The following FURIN variants were observed in gnomAD, a reference collection of about 807,000 sequenced individuals.
FURIN encodes FES upstream region.
Under a neutral mutation model 89.2 loss-of-function variants are expected in FURIN, and 18 were observed. The ratio of observed to expected loss-of-function variants is 0.20; its 90% CI spans 0.14 to 0.30. The LOEUF is 0.30. Ranked by LOEUF, FURIN falls within the 10% of genes least tolerant of loss-of-function variation. The pLI, the probability that FURIN is intolerant of heterozygous loss-of-function variation, is 1.00. For missense variants in FURIN, 879 were observed against 1,100.5 expected (o/e 0.80, Z 2.85); for synonymous variants, 508 against 466.4 (o/e 1.09, Z -1.15).
chr15:90,881,852 T>C lies in FURIN; in HGVS notation c.2359T>C (p.Phe787Leu), dbSNP rs1274214559. 6.2e-7 allele frequency: 1 copy of C among 1,612,704 alleles called. No individual in the cohort carries two copies. Among genetic ancestry groups the C allele is most frequent in the East Asian group, 2.2e-5 (1 of 44,878 alleles). Residue 787 changes from phenylalanine to leucine, a missense_variant, in exon 16 of 16, where the codon TTT becomes CTT. This residue lies in a region of FURIN where 457 missense variants were observed against 490.7 expected (regional missense o/e 0.93). Coordinates refer to ENST00000268171, the MANE Select transcript of FURIN (RefSeq NM_002569.4). The surrounding 1 kb of genome is among the most constrained non-coding windows in gnomAD (Gnocchi z 4.3). ...EDEGRGERTA[F>L]IKDQSAL ...CGAGGGCCGGGGCGAGAGGACCGCC[T>C]TTATCAAAGACCAGAGCGCCCTCTG...
At chr15:90,880,053 C>T (rs775921600) in intron 12 of FURIN, 41 bp from the exon 13 acceptor site, 26 of 1,604,146 alleles carry the variant, frequency 1.6e-5, no homozygotes, top group Non-Finnish European at 2.1e-5. Context: ...CCCGCTGGTC[C>T]CTCTGGGCCA....
Position 90,880,037 on chromosome 15 carries a change from G to C in FURIN, c.1376+53G>C, listed in dbSNP as rs559437952. 241 of 1,604,362 alleles carry C rather than the reference G, an allele frequency of 1.5e-4. 2 individuals carry two copies. In the East Asian group the frequency reaches 4.6e-3, roughly 30 times the overall value. On this transcript the variant is annotated intron_variant, in intron 12 of 15. Transcript: ENST00000268171. ...GGCCAGTGGGACCTGAGAGTCGCAG[G>C]GGGTGCCCGCTGGTCCCTCTGGGCC...
Position 90,881,754 on chromosome 15 carries a change from G to A in FURIN, c.2261G>A (p.Arg754His), listed in dbSNP as rs201572995. Residue 754 changes from arginine (R) to histidine (H), a missense_variant, in exon 16 of 16, where the codon CGT becomes CAT. Transcript: ENST00000268171. This position sits in a 1 kb window ranked among gnomAD's most constrained non-coding sequence, Gnocchi z 4.3. ...GGGGTGAAGGTGTACACCATGGACCGTGGCCTCATCTCCTACAAGGGGCTG... is the reference window on the plus strand; with the variant it reads ...GGGGTGAAGGTGTACACCATGGACCATGGCCTCATCTCCTACAAGGGGCTG... The part of the protein sequence containing the change: ...FRGVKVYTMD[R>H]GLISYKGLPP... 10 of 1,611,142 alleles carry A rather than the reference G, an allele frequency of 6.2e-6. No homozygotes were observed. The highest frequency in any genetic ancestry group is 1.1e-5 in the South Asian group (1 of 90,740).
In FURIN at chr15:90,877,064, G is replaced by T. The variant is rs374968792; in HGVS notation, c.501+40G>T. ...GAGGGAGGCCGTGATCCCTGCTGAG[G>T]TGTGTCTAGAGGCTGTCTTGTTCTA... On this transcript the variant is annotated intron_variant, in intron 5 of 15. Transcript: ENST00000268171. The T allele has an allele frequency of 2.0e-4, 327 of 1,613,466 alleles. 1 individual carries two copies. The highest frequency in any genetic ancestry group is 2.6e-4 in the Non-Finnish European group (306 of 1,179,670).
In FURIN at chr15:90,876,644, G is replaced by C. The variant is rs375475514; in HGVS notation, c.372+87G>C. 2 of 932,742 alleles carry C rather than the reference G, an allele frequency of 2.1e-6. No individual in the cohort carries two copies. The highest frequency in any genetic ancestry group is 3.5e-6 in the Non-Finnish European group (2 of 575,816). The allele number at this position is 932,742 out of a possible 1,614,324, so 57.8% of individuals were successfully genotyped here. On this transcript the variant is annotated intron_variant, in intron 4 of 15. Transcript: ENST00000268171. This position sits in a 1 kb window ranked among gnomAD's most constrained non-coding sequence, Gnocchi z 5.0. ...CTCTTGGATGGAGGAGGCTGTCTTC[G>C]AGGCCTCCTCTGATTCGTTTCCTTT... is the stretch of plus-strand genomic sequence containing the variant.
chr15:90,881,207 C>T lies in FURIN; in HGVS notation c.1793-79C>T. On this transcript the variant is annotated intron_variant, in intron 15 of 15. Coordinates refer to ENST00000268171, the MANE Select transcript of FURIN (RefSeq NM_002569.4). The surrounding 1 kb of genome is among the most constrained non-coding windows in gnomAD (Gnocchi z 4.3). Reference sequence around the variant, plus strand: ...CTGGAGGATCCTGGGGATGTGGTGACTTGGCTTGGGGCTGCTGTGGTCCTG... The same window carrying T: ...CTGGAGGATCCTGGGGATGTGGTGATTTGGCTTGGGGCTGCTGTGGTCCTG... 7.9e-7 allele frequency: 1 copy of T among 1,259,580 alleles called. No homozygotes were observed. The highest frequency in any genetic ancestry group is 1.5e-5 in the African/African-American group (1 of 67,250). The allele number at this position is 1,259,580 out of a possible 1,614,324, so 78.0% of individuals were successfully genotyped here. A position where few individuals can be genotyped will look rare whatever the true frequency, so the allele number is the denominator to read the frequency against.
chr15:90,876,248 A>G lies in FURIN; in HGVS notation c.178-7A>G. ...AAGCCCAGCTCAGTCTCCCTGCTCTATTGCAGATCTTCGGGGACTATTACC... is the reference window on the plus strand; with the variant it reads ...AAGCCCAGCTCAGTCTCCCTGCTCTGTTGCAGATCTTCGGGGACTATTACC... On this transcript the variant is annotated splice_region_variant and splice_polypyrimidine_tract_variant and intron_variant, in intron 2 of 15. Coordinates refer to ENST00000268171, the MANE Select transcript of FURIN (RefSeq NM_002569.4). This position sits in a 1 kb window ranked among gnomAD's most constrained non-coding sequence, Gnocchi z 5.0. 1 of 1,579,020 alleles carries G rather than the reference A, an allele frequency of 6.3e-7. No individual in the cohort carries two copies. The highest frequency in any genetic ancestry group is 8.7e-7 in the Non-Finnish European group (1 of 1,148,454).
Position 90,880,256 on chromosome 15 carries a change from C to G in FURIN, c.1539C>G (p.Ser513=), listed in dbSNP as rs773423236. 6.2e-7 allele frequency: 1 copy of G among 1,606,522 alleles called. No homozygotes were observed. The highest frequency in any genetic ancestry group is 8.5e-7 in the Non-Finnish European group (1 of 1,175,970). The part of the protein sequence containing the change: ...IHLVSPMGTR[S]TLLAARPHDY... ...TGGTCAGCCCCATGGGCACCCGCTC[C>G]ACCCTGCTGGCAGCCAGGTGCTTGC... The change falls in exon 13 of 16, where the codon TCC becomes TCG. Residue 513 remains serine (S), a synonymous_variant. Transcript: ENST00000268171.
chr15:90,881,453 C>A lies in FURIN; in HGVS notation c.1960C>A (p.Pro654Thr). ...CHASCATCQG[P>T]ALTDCLSCPS... ...CGCCTCATGTGCCACATGCCAGGGG[C>A]CGGCCCTGACAGACTGCCTCAGCTG... Residue 654 changes from proline to threonine, a missense_variant, in exon 16 of 16, where the codon CCG becomes ACG. Physicochemically the swap from Pro to Thr is conservative, Grantham distance 38. This residue lies in a region of FURIN where 457 missense variants were observed against 490.7 expected (regional missense o/e 0.93). Transcript: ENST00000268171. The surrounding 1 kb of genome is among the most constrained non-coding windows in gnomAD (Gnocchi z 4.3). 1.2e-6 allele frequency: 2 copies of A among 1,612,320 alleles called. No individual in the cohort carries two copies. Among genetic ancestry groups the A allele is most frequent in the Non-Finnish European group, 1.7e-6 (2 of 1,179,832 alleles).
intron 1 of FURIN, among the ~76,000 whole-genome samples, chr15:90,872,174 C>G (rs1339983937): frequency 6.6e-6 from 1 of 151,574 alleles, no homozygotes; most frequent in African/African-American, 2.4e-5. Flanking sequence ...GCCCGCACAC[C>G]TGTGCGGCCA....
Position 90,876,016 on chromosome 15 carries a change from G to C in FURIN, c.177+99G>C. 1 of 1,090,244 alleles carries C rather than the reference G, an allele frequency of 9.2e-7. No individual in the cohort carries two copies. The highest frequency in any genetic ancestry group is 1.3e-6 in the Non-Finnish European group (1 of 769,236). The allele number at this position is 1,090,244 out of a possible 1,614,324, so 67.5% of individuals were successfully genotyped here. A position where few individuals can be genotyped will look rare whatever the true frequency, so the allele number is the denominator to read the frequency against. ...TGGCCTTGTTTGCTCAGGGGCATCT[G>C]GGTAGCCGGCATGTTCTGGGTGGCC... is the stretch of plus-strand genomic sequence containing the variant. On this transcript the variant is annotated intron_variant, in intron 2 of 15. Transcript: ENST00000268171. The surrounding 1 kb of genome is among the most constrained non-coding windows in gnomAD (Gnocchi z 5.0).
chr15:90,872,788 C>T (rs1002976851), intron 1 of FURIN: 5 of 152,192 alleles, frequency 3.3e-5, no homozygotes, highest in African/African-American at 1.2e-4. Flanking sequence ...CGTGGTGTCT[C>T]TGCTAGAGGG....
In FURIN at chr15:90,881,156, C is replaced by CA; in HGVS notation, c.1792+116_1792+117insA. ...CTCAAGAGACCTAGGGCCCCTGGGG[C>CA]TCTTGGGATGACCACAGTCCTGGGG... On this transcript the variant is annotated intron_variant, in intron 15 of 15. Transcript: ENST00000268171. The surrounding 1 kb of genome is among the most constrained non-coding windows in gnomAD (Gnocchi z 4.3). The CA allele has an allele frequency of 9.2e-7, 1 of 1,091,204 alleles. No homozygotes were observed. The highest frequency in any genetic ancestry group is 1.4e-6 in the Non-Finnish European group (1 of 733,936). The allele number at this position is 1,091,204 out of a possible 1,614,324, so 67.6% of individuals were successfully genotyped here. A position where few individuals can be genotyped will look rare whatever the true frequency, so the allele number is the denominator to read the frequency against.
At chr15:90,878,353 TC>T in intron 8 of FURIN, 49 bp downstream of exon 8, 1 of 1,412,810 alleles carries the variant, frequency 7.1e-7, no homozygotes, top group Non-Finnish European at 9.6e-7. Flanking sequence ...GGTGCTGTCT[TC>T]CGTACCTATC....
rs2151223437 is a variant in FURIN, at chr15:90,876,497, G to A, written c.312G>A (p.Arg104=). The part of the protein sequence containing the change: ...QWLEQQVAKR[R]TKRDVYQEPT... ...TGGAACAGCAGGTGGCAAAGCGACG[G>A]ACTAAACGGGACGTGTACCAGGAGC... The change falls in exon 4 of 16, where the codon CGG becomes CGA. Residue 104 remains arginine, a synonymous_variant. Transcript: ENST00000268171. This position sits in a 1 kb window ranked among gnomAD's most constrained non-coding sequence, Gnocchi z 5.0. 6.2e-7 allele frequency: 1 copy of A among 1,614,038 alleles called. No homozygotes were observed. The highest frequency in any genetic ancestry group is 2.2e-5 in the East Asian group (1 of 44,880).
rs2031655875 is a variant in FURIN at position 90,876,784 on chromosome 15, A to G, written c.373-112A>G. On this transcript the variant is annotated intron_variant, in intron 4 of 15. Coordinates refer to ENST00000268171, the MANE Select transcript of FURIN (RefSeq NM_002569.4). The surrounding 1 kb of genome is among the most constrained non-coding windows in gnomAD (Gnocchi z 5.0). ...AGACAGCCAGTGGCGGCCTTTCAGG[A>G]GCAGGGATGGTACAGGAGGAGGTTT... 2 of 1,220,644 alleles carry G rather than the reference A, an allele frequency of 1.6e-6. No homozygotes were observed. Among genetic ancestry groups the G allele is most frequent in the Non-Finnish European group, 2.4e-6 (2 of 850,108 alleles). The allele number at this position is 1,220,644 out of a possible 1,614,324, so 75.6% of individuals were successfully genotyped here.
intron 1 of FURIN, among the ~76,000 whole-genome samples, chr15:90,870,509 A>T (rs911995691): frequency 6.6e-5 from 10 of 151,942 alleles, no homozygotes; most frequent in Non-Finnish European, 1.3e-4. Context: ...TGTGTTAAGG[A>T]GGCCACAGGC....
At chr15:90,874,120 C>G (rs1057436346) in intron 1 of FURIN, among the ~76,000 whole-genome samples, 2 of 152,240 alleles carry the variant, frequency 1.3e-5, no homozygotes, top group African/African-American at 4.8e-5. Flanking sequence ...ATACCCCCAG[C>G]AGCACTGCTG....
chr15:90,877,290 G>A, intron 6 of FURIN, 79 bp downstream of exon 6: 1 of 1,236,288 alleles, frequency 8.1e-7, no homozygotes, highest in South Asian at 1.5e-5. Flanking sequence ...TGGGTGAGAT[G>A]TGCCTTGCCT....
Sources: allele counts gnomAD v4.1 joint callset (sites outside exome capture counted in the v4.1 genomes callset), GRCh38; gene constraint gnomAD v4.1.1; regional missense constraint gnomAD v4.1.1; non-coding constraint Gnocchi (gnomAD v3.1); transcripts MANE v1.5; gene names NCBI Gene and HGNC (gene_info 2026-07-23, HGNC 2026-07-21).